Variants in CYP4V2 observed in about 807,000 individuals in gnomAD.
CYP4V2 encodes the protein cytochrome P450 family 4 subfamily V member 2, also known as cytochrome P450 4V2.
In CYP4V2, 55 loss-of-function variants were observed where a neutral mutation model predicts 60.8. That is an observed-to-expected ratio of 0.90 (90% CI 0.73 to 1.13). The LOEUF is 1.13. Among genes scored for constraint, CYP4V2 ranks in the 50% most tolerant of loss-of-function variants. CYP4V2 has a pLI of 0.00. For synonymous variants in CYP4V2, 239 were observed against 236.8 expected, an observed-to-expected ratio of 1.01 and a Z score of -0.08; for missense variants, 675 against 662.9, an observed-to-expected ratio of 1.02 and a Z score of -0.20.
At chr4:186,196,276 A>G in intron 3 of CYP4V2, 188 bp downstream of exon 3, 1 of 640,392 alleles carries the variant, frequency 1.6e-6, no homozygotes, top group Non-Finnish European at 2.8e-6. Flanking sequence ...CCAAGAGTCC[A>G]GGTGAACAGT....
chr4:186,196,982 C>T lies in CYP4V2; in HGVS notation c.456C>T (p.Pro152=), dbSNP rs746692527. ...GCTCCAGGAGAAAGATGTTAACACC[C>T]ACTTTCCATTTTACCATTCTGGAAG... ...KWRSRRKMLT[P]TFHFTILEDF... is the part of the protein sequence containing the mutation. The change falls in exon 4 of 11, where the codon CCC becomes CCT. Residue 152 remains proline, a synonymous_variant. Transcript: ENST00000378802. The T allele has an allele frequency of 1.1e-5, 17 of 1,613,592 alleles. No individual in the cohort carries two copies. The South Asian group carries it at 1.5e-4, about 15-fold the overall frequency.
chr4:186,207,905 G>T (rs909768540), intron 8 of CYP4V2, among the ~76,000 whole-genome samples: 14 of 152,304 alleles, frequency 9.2e-5, no homozygotes, highest in Admixed American at 4.6e-4. Flanking sequence ...GACCTTTAGT[G>T]TCTGTTTATT....
intron 1 of CYP4V2, among the ~76,000 whole-genome samples, chr4:186,193,378 C>T (rs909298345): frequency 2.0e-5 from 3 of 152,156 alleles, no homozygotes; most frequent in African/African-American, 7.2e-5. Flanking sequence ...TAAAGTAATT[C>T]TCCTTGTAGT....
rs9312346 is a variant in CYP4V2, at chr4:186,199,303, C to G, written c.801+220C>G. On this transcript the variant is annotated intron_variant, in intron 6 of 10. Coordinates refer to ENST00000378802, the MANE Select transcript of CYP4V2 (RefSeq NM_207352.4). ...GGAGCCTATGTCTCAGAAAATAAAA[C>G]TTGAATAATAATAGAAAACAATTTT... Among the ~76,000 whole-genome samples the G allele has an allele frequency of 0.26, 40,127 of 151,956 alleles. 5,849 individuals carry two copies. Among genetic ancestry groups the G allele is most frequent in the South Asian group, 0.46 (2,201 of 4,814 alleles).
Position 186,194,374 on chromosome 4 carries a change from G to T in CYP4V2, c.215-126G>T, listed in dbSNP as rs1736081045. ...GCAGTTCACACATGCTCTCTACCTGGCTTCCTCTAACAGTAACATATTACA... is the reference window on the plus strand; with the variant it reads ...GCAGTTCACACATGCTCTCTACCTGTCTTCCTCTAACAGTAACATATTACA... On this transcript the variant is annotated intron_variant, in intron 1 of 10. Transcript: ENST00000378802. 5.0e-6 allele frequency: 4 copies of T among 805,522 alleles called. No individual in the cohort carries two copies. In the Admixed American group the frequency reaches 8.1e-5, roughly 16 times the overall value. 49.9% of individuals were successfully genotyped at this position (805,522 alleles called of 1,614,324 possible).
intron 3 of CYP4V2, chr4:186,196,409 G>A: frequency 2.7e-6 from 1 of 369,878 alleles, no homozygotes; most frequent in Non-Finnish European, 5.1e-6. Context: ...CTGGAGCAGG[G>A]AAATCTTGAA....
chr4:186,206,677 T>C lies in CYP4V2; in HGVS notation c.1090+1375T>C, dbSNP rs528765823. 7.9e-5 allele frequency among the ~76,000 whole-genome samples: 12 copies of C among 152,192 alleles called. No individual in the cohort carries two copies. The South Asian group carries it at 2.5e-3, about 32-fold the overall frequency. On this transcript the variant is annotated intron_variant, in intron 8 of 10. Transcript: ENST00000378802. The stretch of plus-strand genomic sequence containing the variant: ...AGGTTTCTGGCATGGAGGGCAATAG[T>C]GGAGAGTGAGAGACCGCGAGAACTC...
At chr4:186,198,898 G>C (rs950160125) in intron 5 of CYP4V2, 59 bp from the exon 6 acceptor site, 115 of 1,611,872 alleles carry the variant, frequency 7.1e-5, no homozygotes, top group Middle Eastern at 4.9e-4. Context: ...TACTAAAGAA[G>C]TGCTCAAGAA....
chr4:186,194,448 G>A (rs1344891202), intron 1 of CYP4V2, 52 bp from the exon 2 acceptor site: 1 of 1,462,292 alleles, frequency 6.8e-7, no homozygotes, highest in African/African-American at 1.4e-5. Flanking sequence ...GTCCAATACT[G>A]GTCACAACTT....
At chr4:186,192,363 A>G (rs1736016752) in intron 1 of CYP4V2, 1 of 559,026 alleles carries the variant, frequency 1.8e-6, no homozygotes. Context: ...AGCCTTAGGA[A>G]CAGAAGCTCC....
chr4:186,193,770 G>A (rs1736061739), intron 1 of CYP4V2, among the ~76,000 whole-genome samples: 2 of 152,210 alleles, frequency 1.3e-5, no homozygotes, highest in African/African-American at 2.4e-5. Context: ...TTGTTCCCAA[G>A]AATCTTGTCT....
chr4:186,194,745 T>A, intron 2 of CYP4V2, 133 bp downstream of exon 2: 1 of 798,918 alleles, frequency 1.3e-6, no homozygotes, highest in Admixed American at 2.2e-5. Context: ...TATTTTAGAC[T>A]ATATAGGTGC....
Position 186,201,248 on chromosome 4 carries a change from C to T in CYP4V2, c.893C>T (p.Ala298Val), listed in dbSNP as rs765836559. The change falls in exon 7 of 11, where the codon GCC becomes GTC. Residue 298 changes from alanine (A) to valine (V), a missense_variant. Physicochemically the swap from Ala to Val is moderately conservative, Grantham distance 64. Coordinates refer to ENST00000378802, the MANE Select transcript of CYP4V2 (RefSeq NM_207352.4). ...GSAPSKNKRR[A>V]FLDLLLSVTD... ...GCCCCCTCCAAAAATAAACGCAGGG[C>T]CTTTCTTGACTTGCTTTTAAGTGTG... The T allele has an allele frequency of 6.2e-7, 1 of 1,614,034 alleles. No individual in the cohort carries two copies. The highest frequency in any genetic ancestry group is 1.1e-5 in the South Asian group (1 of 91,066).
At chr4:186,209,476 G>T (rs34009474) in intron 10 of CYP4V2, among the ~76,000 whole-genome samples, 204 of 152,298 alleles carry the variant, frequency 1.3e-3, no homozygotes, top group Middle Eastern at 0.01. Context: ...GCCTGCATGG[G>T]CTTCCATAGC....
At chr4:186,202,128 GAGTTCC>G (rs1254021706) in intron 7 of CYP4V2, 2 of 152,240 alleles carry the variant, frequency 1.3e-5, no homozygotes, top group African/African-American at 2.4e-5. Context: ...CTTTCGATCC[GAGTTCC>G]AGTTCAGGCT....
chr4:186,196,158 G>T (rs1192703253), intron 3 of CYP4V2, 70 bp downstream of exon 3: 2 of 1,322,084 alleles, frequency 1.5e-6, no homozygotes, highest in African/African-American at 2.9e-5. Flanking sequence ...GTTATTTCAA[G>T]AATTAACACA....
intron 6 of CYP4V2, 92 bp from the exon 7 acceptor site, chr4:186,201,065 G>C: frequency 7.8e-7 from 1 of 1,284,656 alleles, no homozygotes; most frequent in Non-Finnish European, 1.1e-6. Flanking sequence ...AAAAATAAAT[G>C]AAAGAAACTA....
At position 186,209,243 on chromosome 4, in the gene CYP4V2, CCTT is replaced by C. The variant is rs1438727632; in HGVS notation, c.1379_1381del (p.Phe460del). ...GGGCGCCATCCATATGCCTACGTGCCCTTCTCTGCTGGCCCCAGGAACTGTATA... is the reference window on the plus strand; with the variant it reads ...GGGCGCCATCCATATGCCTACGTGCCCTCTGCTGGCCCCAGGAACTGTATA... On this transcript the variant is annotated inframe_deletion, in exon 10 of 11. Transcript: ENST00000378802. 1.2e-6 allele frequency: 2 copies of C among 1,613,674 alleles called. No individual in the cohort carries two copies. Among genetic ancestry groups the C allele is most frequent in the African/African-American group, 2.7e-5 (2 of 74,756 alleles).
chr4:186,196,297 T>A, intron 3 of CYP4V2: 4 of 605,920 alleles, frequency 6.6e-6, no homozygotes, highest in Non-Finnish European at 1.2e-5. Context: ...TATCTTCAGC[T>A]GTGGTATTCA....
Sources: gnomAD v4.1 joint callset for allele counts (sites outside exome capture counted in the v4.1 genomes callset) on GRCh38, gnomAD v4.1.1 for gene constraint, MANE v1.5 for transcripts, NCBI Gene and HGNC (gene_info 2026-07-23, HGNC 2026-07-21) for gene names.